The following IL23R variants were observed in gnomAD, a reference collection of about 807,000 sequenced individuals.
The protein encoded by IL23R is interleukin-23 receptor.
A neutral mutation model predicts 56.9 loss-of-function variants in IL23R; 34 were observed. That is an observed-to-expected ratio of 0.60 (90% CI 0.45 to 0.80). IL23R has a LOEUF of 0.80. Among genes scored for constraint, IL23R ranks in the 30% least tolerant of loss-of-function variants. The pLI, the probability that IL23R is intolerant of heterozygous loss-of-function variation, is 0.00. For synonymous variants in IL23R, 230 were observed against 249.2 expected, an observed-to-expected ratio of 0.92 and a Z score of 0.73; for missense variants, 635 against 730.0, an observed-to-expected ratio of 0.87 and a Z score of 1.50.
intron 9 of IL23R, among the ~76,000 whole-genome samples, chr1:67,244,866 G>A (rs1301282911): frequency 1.3e-5 from 2 of 152,204 alleles, no homozygotes; most frequent in African/African-American, 4.8e-5. Context: ...ATGGTAGCTT[G>A]ATGGGGATAG....
intron 3 of IL23R, among the ~76,000 whole-genome samples, chr1:67,179,100 A>C (rs1570788696): frequency 6.6e-6 from 1 of 152,160 alleles, no homozygotes; most frequent in Non-Finnish European, 1.5e-5. Context: ...TGTCTCTGCC[A>C]GGCTTTGGTA....
At chr1:67,260,377 G>A (rs1227106512), downstream of IL23R, among the ~76,000 whole-genome samples, 1 of 152,122 alleles carries the variant, frequency 6.6e-6, no homozygotes, top group Non-Finnish European at 1.5e-5. Context: ...CCAGATATAT[G>A]TTAGAAAATT....
intron 3 of IL23R, among the ~76,000 whole-genome samples, chr1:67,170,292 C>T (rs1453583805): frequency 1.3e-5 from 2 of 152,082 alleles, no homozygotes; most frequent in African/African-American, 2.4e-5. Context: ...ACATCAGTAC[C>T]CAAATCCTTA....
intron 6 of IL23R, among the ~76,000 whole-genome samples, chr1:67,213,659 A>C (rs888415046): frequency 6.6e-6 from 1 of 152,338 alleles, no homozygotes; most frequent in Admixed American, 6.5e-5. Context: ...ATAGGTTTGT[A>C]GCCTAGAAGC....
intron 1 of IL23R, among the ~76,000 whole-genome samples, chr1:67,141,890 C>A (rs1570749940): frequency 6.6e-6 from 1 of 151,780 alleles, no homozygotes; most frequent in South Asian, 2.1e-4. Flanking sequence ...TTTCGTGGGG[C>A]AGGGGGAGAT....
intron 9 of IL23R, among the ~76,000 whole-genome samples, chr1:67,250,824 A>G (rs1652554326): frequency 6.6e-6 from 1 of 152,232 alleles, no homozygotes; most frequent in African/African-American, 2.4e-5. Flanking sequence ...TCTTCATTGG[A>G]TTACTGACCT....
chr1:67,169,796 T>C (rs1011374317), intron 3 of IL23R, among the ~76,000 whole-genome samples, 158 bp downstream of exon 3: 3 of 152,192 alleles, frequency 2.0e-5, no homozygotes, highest in Admixed American at 6.6e-5. Context: ...CAGGGCCAGG[T>C]TGGTGAACTA....
At position 67,169,482 on chromosome 1, in the gene IL23R, A is replaced by T. The variant is rs576532413; in HGVS notation, c.211A>T (p.Ile71Phe). ...GAAACTTCATTTTTATAAAAATGGCATCAAAGAAAGATTTCAAATCACAAG... is the reference window on the plus strand; with the variant it reads ...GAAACTTCATTTTTATAAAAATGGCTTCAAAGAAAGATTTCAAATCACAAG... Reference protein sequence around the residue: ...PRKLHFYKNGIKERFQITRIN... With the variant: ...PRKLHFYKNGFKERFQITRIN... The change falls in exon 3 of 11, where the codon ATC (isoleucine) becomes TTC (phenylalanine). Residue 71 changes from isoleucine (I) to phenylalanine (F), a missense_variant. Ile to Phe is a conservative substitution (Grantham distance 21). Coordinates refer to ENST00000347310, the MANE Select transcript of IL23R (RefSeq NM_144701.3). 1.2e-6 allele frequency: 2 copies of T among 1,614,128 alleles called. No individual in the cohort carries two copies. Among genetic ancestry groups the T allele is most frequent in the East Asian group, 2.2e-5 (1 of 44,870 alleles).
chr1:67,225,952 G>A (rs1650589163), intron 7 of IL23R, among the ~76,000 whole-genome samples: 1 of 152,224 alleles, frequency 6.6e-6, no homozygotes, highest in South Asian at 2.1e-4. Context: ...GACAACATAG[G>A]GAATGGACAG....
chr1:67,264,284 C>T (rs1436760561), downstream of IL23R, among the ~76,000 whole-genome samples: 2 of 152,150 alleles, frequency 1.3e-5, no homozygotes, highest in Admixed American at 6.5e-5. Context: ...GGGCTTTGTT[C>T]AAGTTTATGT....
At chr1:67,185,033 G>A (rs1275697786) in intron 4 of IL23R, among the ~76,000 whole-genome samples, 1 of 152,212 alleles carries the variant, frequency 6.6e-6, no homozygotes, top group Non-Finnish European at 1.5e-5. Context: ...ACCAGACACT[G>A]AATCTGCTGA....
rs1385482606 is a variant in IL23R at position 67,190,666 on chromosome 1, G to T, written c.491+7707G>T. On this transcript the variant is annotated intron_variant, in intron 4 of 10. Transcript: ENST00000347310. ...CTTAGCAAATATTTATTTAGCATTT[G>T]ATGGTTTCCTGGAATTGTATTAAAC... Among the ~76,000 whole-genome samples, 3 of 152,100 alleles carry T rather than the reference G, an allele frequency of 2.0e-5. No homozygotes were observed. The East Asian group carries it at 5.8e-4, about 29-fold the overall frequency.
chr1:67,221,460 T>C (rs141299581), intron 7 of IL23R, among the ~76,000 whole-genome samples: 3 of 152,354 alleles, frequency 2.0e-5, no homozygotes, highest in East Asian at 3.9e-4. Context: ...AGGATTTAGC[T>C]GATTTATTGT....
intron 8 of IL23R, among the ~76,000 whole-genome samples, chr1:67,238,851 T>C (rs1477078400): frequency 1.3e-5 from 2 of 152,194 alleles, no homozygotes; most frequent in Non-Finnish European, 1.5e-5. Context: ...ATTAATTTCA[T>C]ATCCCATCAA....
At chr1:67,246,729 C>A (rs1280298451) in intron 9 of IL23R, among the ~76,000 whole-genome samples, 1 of 152,082 alleles carries the variant, frequency 6.6e-6, no homozygotes. Flanking sequence ...GTTTTACTTA[C>A]AATTATGTGA....
chr1:67,169,542 A>G lies in IL23R; in HGVS notation c.271A>G (p.Asn91Asp), dbSNP rs1356496625. Residue 91 changes from asparagine (N) to aspartate (D), a missense_variant, in exon 3 of 11, where the codon AAC becomes GAC. By Grantham distance (23) the Asn-to-Asp change is conservative. Transcript: ENST00000347310. Reference sequence around the variant, plus strand: ...AACAACAGCTCGGCTTTGGTATAAAAACTTTCTGGAACCACATGCTTCTAT... The same window carrying G: ...AACAACAGCTCGGCTTTGGTATAAAGACTTTCTGGAACCACATGCTTCTAT... The part of the protein sequence containing the change: ...NKTTARLWYK[N>D]FLEPHASMYC... 3.7e-6 allele frequency: 6 copies of G among 1,614,002 alleles called. No individual in the cohort carries two copies. In the East Asian group the frequency reaches 1.1e-4, roughly 30 times the overall value.
intron 5 of IL23R, among the ~76,000 whole-genome samples, chr1:67,203,898 G>A (rs1648810201): frequency 2.0e-5 from 3 of 152,138 alleles, no homozygotes; most frequent in Admixed American, 6.5e-5. Context: ...AAATAAATTC[G>A]GGTACAGAAA....
At chr1:67,168,946 G>T (rs1277593357) in intron 2 of IL23R, among the ~76,000 whole-genome samples, 1 of 152,004 alleles carries the variant, frequency 6.6e-6, no homozygotes, top group Non-Finnish European at 1.5e-5. Context: ...GATCACCTGA[G>T]GTCAGGAGTT....
upstream of IL23R, among the ~76,000 whole-genome samples, chr1:67,165,452 T>G (rs902021184): frequency 6.6e-6 from 1 of 152,110 alleles, no homozygotes; most frequent in Admixed American, 6.5e-5. Context: ...GATCCAGCAA[T>G]CCCTCTTCTG....
Sources: gnomAD v4.1 joint callset for allele counts (sites outside exome capture counted in the v4.1 genomes callset) on GRCh38, gnomAD v4.1.1 for gene constraint, MANE v1.5 for transcripts, NCBI Gene and HGNC (gene_info 2026-07-23, HGNC 2026-07-21) for gene names.